GLRA1: variants seen among roughly 807,000 people sequenced by gnomAD.
GLRA1 encodes glycine receptor alpha 1.
Under a neutral mutation model 48.3 loss-of-function variants are expected in GLRA1, and 37 were observed. The observed-to-expected ratio is 0.77, with a 90% confidence interval of 0.59 to 1.01. The LOEUF (loss-of-function observed/expected upper bound fraction) is 1.01, where lower values mean the gene tolerates loss of function less well. Among genes scored for constraint, GLRA1 ranks in the 50% least tolerant of loss-of-function variants. The pLI is 0.00. For missense variants in GLRA1, 427 were observed against 571.0 expected (o/e 0.75, Z 2.57); for synonymous variants, 196 against 210.7 (o/e 0.93, Z 0.60).
At chr5:151,893,337 TTTC>T (rs1754143833) in intron 1 of GLRA1, among the ~76,000 whole-genome samples, 1 of 149,126 alleles carries the variant, frequency 6.7e-6, no homozygotes, top group African/African-American at 2.5e-5. Flanking sequence ...TCTTTCTTTC[TTTC>T]TTTCTTTCTT....
chr5:151,918,892 T>G (rs943501793), intron 1 of GLRA1, among the ~76,000 whole-genome samples: 1 of 151,984 alleles, frequency 6.6e-6, no homozygotes, highest in African/African-American at 2.4e-5. Context: ...AAGAGTGCAT[T>G]AAAAAAAATC....
intron 3 of GLRA1, among the ~76,000 whole-genome samples, chr5:151,868,561 G>T (rs541746025): frequency 6.6e-6 from 1 of 152,158 alleles, no homozygotes; most frequent in Non-Finnish European, 1.5e-5. Flanking sequence ...GAGCCCAAGC[G>T]TTTAACCAGT....
intron 3 of GLRA1, among the ~76,000 whole-genome samples, chr5:151,884,459 A>G (rs893997063): frequency 2.6e-5 from 4 of 152,122 alleles, no homozygotes; most frequent in Admixed American, 6.5e-5. Flanking sequence ...AAAAAAACCC[A>G]TTTTTTCTCT....
Position 151,835,826 on chromosome 5 carries a change from A to C in GLRA1, c.913-6759T>G, listed in dbSNP as rs562716737. Among the ~76,000 whole-genome samples the C allele has an allele frequency of 1.4e-4, 21 of 152,346 alleles. No homozygotes were observed. The East Asian group carries it at 3.9e-3, about 28-fold the overall frequency. ...AATGTATCTCAAAATAATAAGAGCT[A>C]TTTATGACAAACCTGCAGCCAGTAT... On this transcript the variant is annotated intron_variant, in intron 7 of 8. Transcript: ENST00000274576.
chr5:151,923,764 A>C (rs1265824026), intron 1 of GLRA1, among the ~76,000 whole-genome samples: 1 of 152,238 alleles, frequency 6.6e-6, no homozygotes, highest in Non-Finnish European at 1.5e-5. Context: ...AAGATTGCTC[A>C]TGAGTTCAGG....
intron 2 of GLRA1, among the ~76,000 whole-genome samples, chr5:151,889,706 T>A (rs1754010463): frequency 6.6e-6 from 1 of 152,098 alleles, no homozygotes; most frequent in Admixed American, 6.5e-5. Context: ...GCCCTGATCC[T>A]CAATGGCCTT....
intron 3 of GLRA1, among the ~76,000 whole-genome samples, chr5:151,877,194 C>A (rs1270214267): frequency 1.3e-5 from 2 of 152,182 alleles, no homozygotes; most frequent in Non-Finnish European, 2.9e-5. Flanking sequence ...TCTTGTGTGG[C>A]AAATGTGAAA....
intron 1 of GLRA1, among the ~76,000 whole-genome samples, chr5:151,909,963 C>T (rs928312040): frequency 6.6e-6 from 1 of 152,010 alleles, no homozygotes. Flanking sequence ...GGGCTCCAGT[C>T]ACCCTGATGA....
intron 1 of GLRA1, among the ~76,000 whole-genome samples, chr5:151,892,674 C>T (rs542567677): frequency 1.2e-4 from 18 of 152,270 alleles, no homozygotes; most frequent in African/African-American, 3.9e-4. Context: ...TGAGAAGTCA[C>T]GGACATTTTT....
chr5:151,875,339 A>C (rs1055779205), intron 3 of GLRA1, among the ~76,000 whole-genome samples: 1 of 152,078 alleles, frequency 6.6e-6, no homozygotes, highest in African/African-American at 2.4e-5. Flanking sequence ...TGCCCAGCTG[A>C]TATTTTAATT....
At chr5:151,881,725 A>G (rs913355122) in intron 3 of GLRA1, among the ~76,000 whole-genome samples, 3 of 152,098 alleles carry the variant, frequency 2.0e-5, no homozygotes, top group African/African-American at 4.8e-5. Context: ...AAGGACAGGC[A>G]GTCTCAGCCC....
intron 3 of GLRA1, among the ~76,000 whole-genome samples, chr5:151,872,640 T>C (rs1461152205): frequency 6.7e-6 from 1 of 149,886 alleles, no homozygotes; most frequent in East Asian, 1.9e-4. Context: ...CCTAAAAGCA[T>C]GTCAAGAGAA....
At chr5:151,887,646 C>G (rs575039408) in intron 2 of GLRA1, among the ~76,000 whole-genome samples, 51 of 152,296 alleles carry the variant, frequency 3.3e-4, no homozygotes, top group African/African-American at 1.2e-3. Flanking sequence ...TCAGATTTGT[C>G]TAACTCCAAG....
At position 151,872,308 on chromosome 5, in the gene GLRA1, A is replaced by T. The variant is rs1302902757; in HGVS notation, c.253-12300T>A. On this transcript the variant is annotated intron_variant, in intron 3 of 8. Coordinates refer to ENST00000274576, the MANE Select transcript of GLRA1 (RefSeq NM_000171.4). The stretch of plus-strand genomic sequence containing the variant: ...AAATGCCCAGTCAACATATTAAAAG[A>T]TGCTCAGATTCACTAGGAATCTGAA... Among the ~76,000 whole-genome samples the T allele has an allele frequency of 2.7e-5, 4 of 147,454 alleles. 1 individual carries two copies. Among genetic ancestry groups the T allele is most frequent in the African/African-American group, 1.1e-4 (4 of 36,922 alleles).
intron 7 of GLRA1, chr5:151,849,847 C>A (rs1752853636): frequency 1.5e-6 from 2 of 1,371,238 alleles, no homozygotes; most frequent in East Asian, 2.9e-5. Context: ...AGCCACCATG[C>A]CTAGCCTAGA....
At position 151,892,410 on chromosome 5, in the gene GLRA1, C is replaced by A. The variant is rs1554086308; in HGVS notation, c.85G>T (p.Ala29Ser). Residue 29 changes from alanine (A) to serine (S), a missense_variant, in exon 2 of 9, where the codon GCT (alanine) becomes TCT (serine). This residue lies in a region of GLRA1 where 271 missense variants were observed against 434.9 expected (regional missense o/e 0.62). Transcript: ENST00000274576. ...GACATAGGCTTGGGTGCGGAGCGAG[C>A]AGCTTCAGCCTCCTTAGAAGCAGCA... ...SLAASKEAEA[A>S]RSAPKPMSPS... 1.9e-6 allele frequency: 3 copies of A among 1,614,036 alleles called. No individual in the cohort carries two copies. The Admixed American group carries it at 5.0e-5, about 27-fold the overall frequency.
intron 1 of GLRA1, among the ~76,000 whole-genome samples, chr5:151,906,304 C>T (rs1754471850): frequency 1.3e-5 from 2 of 152,138 alleles, no homozygotes; most frequent in Non-Finnish European, 2.9e-5. Flanking sequence ...AATCTTATGC[C>T]AGCCTAAGTT....
intron 3 of GLRA1, among the ~76,000 whole-genome samples, chr5:151,885,320 C>T (rs1753872116): frequency 6.6e-6 from 1 of 152,126 alleles, no homozygotes; most frequent in Non-Finnish European, 1.5e-5. Context: ...AACAAGATAC[C>T]AGCCCCCAAG....
At chr5:151,900,797 C>G (rs10037964) in intron 1 of GLRA1, among the ~76,000 whole-genome samples, 2,559 of 152,272 alleles carry the variant, frequency 0.017, 58 homozygotes, top group African/African-American at 0.059. Context: ...AGAATTGGGG[C>G]CATCAAGGTG....
Sources: allele counts gnomAD v4.1 joint callset (sites outside exome capture counted in the v4.1 genomes callset), GRCh38; gene constraint gnomAD v4.1.1; regional missense constraint gnomAD v4.1.1; transcripts MANE v1.5; gene names NCBI Gene and HGNC (gene_info 2026-07-23, HGNC 2026-07-21).